The following SHROOM3 variants were observed in gnomAD, a reference collection of about 807,000 sequenced individuals.
SHROOM3 encodes shroom family member 3.
SHROOM3 carries 47 observed loss-of-function variants against 138.6 expected under a neutral mutation model. The observed-to-expected ratio is 0.34, with a 90% confidence interval of 0.27 to 0.43. The LOEUF (loss-of-function observed/expected upper bound fraction) is 0.43. Among genes scored for constraint, SHROOM3 ranks in the 20% least tolerant of loss-of-function variants. The pLI is 1.00. For missense variants in SHROOM3, 2,491 were observed against 2,596.5 expected, an observed-to-expected ratio of 0.96 and a Z score of 0.88; for synonymous variants, 1,062 against 1,063.3, an observed-to-expected ratio of 1.00 and a Z score of 0.02.
intron 1 of SHROOM3, among the ~76,000 whole-genome samples, chr4:76,543,960 T>A (rs1268328080): frequency 6.6e-6 from 1 of 152,226 alleles, no homozygotes; most frequent in Non-Finnish European, 1.5e-5. Flanking sequence ...TTCTTAGACT[T>A]CTTATTAGCC....
intron 3 of SHROOM3, among the ~76,000 whole-genome samples, chr4:76,712,779 G>A (rs1447712957): frequency 1.3e-5 from 2 of 152,184 alleles, no homozygotes; most frequent in African/African-American, 4.8e-5. Flanking sequence ...TACATTCTGA[G>A]CAATGTGTCA....
At chr4:76,610,627 ATG>A (rs1241596485) in intron 2 of SHROOM3, among the ~76,000 whole-genome samples, 4 of 152,050 alleles carry the variant, frequency 2.6e-5, no homozygotes, top group African/African-American at 9.7e-5. Flanking sequence ...TTTTGTTCAT[ATG>A]TGTGTTTTTT....
chr4:76,633,192 G>C (rs60097827), intron 2 of SHROOM3, among the ~76,000 whole-genome samples: 3 of 151,646 alleles, frequency 2.0e-5, no homozygotes, highest in Admixed American at 6.6e-5. Flanking sequence ...CTAACTTGGT[G>C]AGTCTCTATG....
At chr4:76,529,715 G>A (rs968585878) in intron 1 of SHROOM3, among the ~76,000 whole-genome samples, 1 of 135,390 alleles carries the variant, frequency 7.4e-6, no homozygotes, top group Non-Finnish European at 1.6e-5. Context: ...CTACGTACAG[G>A]ACTGGACTTT....
At chr4:76,441,214 A>G (rs372190672) in intron 1 of SHROOM3, among the ~76,000 whole-genome samples, 51 of 146,126 alleles carry the variant, frequency 3.5e-4, no homozygotes, top group Admixed American at 1.3e-3. Flanking sequence ...CCTGCCTCAG[A>G]CTCCCAAGTA....
At chr4:76,755,922 A>G (rs1240062375) in intron 7 of SHROOM3, among the ~76,000 whole-genome samples, 1 of 152,252 alleles carries the variant, frequency 6.6e-6, no homozygotes, top group Non-Finnish European at 1.5e-5. Context: ...ATTGCCTGAC[A>G]GCACCTTTTG....
At chr4:76,467,442 AACCC>A in intron 1 of SHROOM3, among the ~76,000 whole-genome samples, 1 of 152,148 alleles carries the variant, frequency 6.6e-6, no homozygotes, top group East Asian at 1.9e-4. Flanking sequence ...CTGGGATTCA[AACCC>A]AGTCCTGTCT....
chr4:76,730,990 C>T, intron 4 of SHROOM3, 55 bp downstream of exon 4: 1 of 1,607,964 alleles, frequency 6.2e-7, no homozygotes, highest in Non-Finnish European at 8.5e-7. Context: ...GTCATGTTCC[C>T]AGAAAAGAAT....
chr4:76,741,806 C>T lies in SHROOM3; in HGVS notation c.3633C>T (p.Ser1211=). The T allele has an allele frequency of 6.3e-7, 1 of 1,586,468 alleles. No homozygotes were observed. The highest frequency in any genetic ancestry group is 8.6e-7 in the Non-Finnish European group (1 of 1,166,912). The part of the protein sequence containing the change: ...RGDETPREPS[S]WGARAGKSMS... ...ATGAGACCCCCAGGGAGCCATCCTC[C>T]TGGGGGGCCAGGGCCGGGAAGTCCA... Residue 1211 remains serine (S), a synonymous_variant, in exon 5 of 11, where the codon TCC becomes TCT. Transcript: ENST00000296043. The surrounding 1 kb of genome is among the most constrained non-coding windows in gnomAD (Gnocchi z 6.2).
rs1733338727 is a variant in SHROOM3, at chr4:76,550,861, T to C, written c.169-4748T>C. Among the ~76,000 whole-genome samples the C allele has an allele frequency of 2.6e-5, 4 of 151,654 alleles. No homozygotes were observed. In the South Asian group the frequency reaches 8.4e-4, roughly 32 times the overall value. On this transcript the variant is annotated intron_variant, in intron 1 of 10. Coordinates refer to ENST00000296043, the MANE Select transcript of SHROOM3 (RefSeq NM_020859.4). ...AAAAATAAAAAAATTTCCCCAGGCA[T>C]GGTGGCACATGCCTGTGATCCCAGC...
intron 2 of SHROOM3, among the ~76,000 whole-genome samples, chr4:76,629,725 C>G (rs1370737759): frequency 6.6e-6 from 1 of 152,146 alleles, no homozygotes; most frequent in Admixed American, 6.5e-5. Flanking sequence ...AGAGAGAAGT[C>G]AAGCTTTTAG....
At chr4:76,667,297 T>C (rs2110095954) in intron 2 of SHROOM3, among the ~76,000 whole-genome samples, 1 of 152,236 alleles carries the variant, frequency 6.6e-6, no homozygotes, top group Admixed American at 6.5e-5. Context: ...TCACTTTACA[T>C]TATGTAGGCT....
intron 2 of SHROOM3, among the ~76,000 whole-genome samples, chr4:76,583,623 G>C (rs1168760202): frequency 2.6e-5 from 4 of 152,210 alleles, no homozygotes; most frequent in Non-Finnish European, 5.9e-5. Flanking sequence ...TCTGTGGTCA[G>C]ATTGCTTAGG....
chr4:76,742,088 G>GTCCC (rs1256733135), intron 5 of SHROOM3, 162 bp downstream of exon 5: 3 of 913,922 alleles, frequency 3.3e-6, no homozygotes, highest in Non-Finnish European at 5.2e-6. Flanking sequence ...TTTCTCAAGT[G>GTCCC]TCCCTTACCT....
chr4:76,698,911 T>G (rs1371524064), intron 2 of SHROOM3, among the ~76,000 whole-genome samples: 3 of 152,192 alleles, frequency 2.0e-5, no homozygotes, highest in Admixed American at 1.3e-4. Flanking sequence ...CCACTTTGGA[T>G]TTAAATATTT....
intron 2 of SHROOM3, among the ~76,000 whole-genome samples, chr4:76,678,223 T>C (rs1358250427): frequency 2.6e-5 from 4 of 152,206 alleles, no homozygotes; most frequent in African/African-American, 7.2e-5. Context: ...GGAAAATTTT[T>C]CTTTTCAAAC....
At chr4:76,586,177 C>A (rs1264558100) in intron 2 of SHROOM3, 1 of 898,406 alleles carries the variant, frequency 1.1e-6, no homozygotes, top group Non-Finnish European at 1.3e-6. Flanking sequence ...AGGCGGCCGG[C>A]GATTGGCCGG....
intron 10 of SHROOM3, among the ~76,000 whole-genome samples, chr4:76,776,174 G>A (rs996395302): frequency 2.6e-5 from 4 of 152,122 alleles, no homozygotes; most frequent in African/African-American, 9.7e-5. Context: ...GCAGGAGTAA[G>A]GTGGTATTGC....
rs151006422 is a variant in SHROOM3, at chr4:76,570,902, G to A, written c.323+15139G>A. ...AATTAAGAAATGGGGTCAAAGAATG[G>A]GGGCACTTGACACTAAATGTACATG... On this transcript the variant is annotated intron_variant, in intron 2 of 10. Transcript: ENST00000296043. 7.2e-5 allele frequency among the ~76,000 whole-genome samples: 11 copies of A among 152,216 alleles called. No homozygotes were observed. In the East Asian group the frequency reaches 1.4e-3, roughly 19 times the overall value.
Sources: gnomAD v4.1 joint callset for allele counts (sites outside exome capture counted in the v4.1 genomes callset) on GRCh38, gnomAD v4.1.1 for gene constraint, Gnocchi (gnomAD v3.1) non-coding constraint, MANE v1.5 for transcripts, NCBI Gene and HGNC (gene_info 2026-07-23, HGNC 2026-07-21) for gene names.